Variants in FAM83A observed in about 807,000 individuals in gnomAD.
The protein encoded by FAM83A is scaffolding CK1 anchoring protein A.
Under a neutral mutation model 24.4 loss-of-function variants are expected in FAM83A, and 21 were observed. The ratio of observed to expected loss-of-function variants is 0.86; its 90% CI spans 0.61 to 1.24. FAM83A has a LOEUF of 1.24. Among genes scored for constraint, FAM83A ranks in the 50% most tolerant of loss-of-function variants. The pLI is 0.00. For missense variants in FAM83A, 617 were observed against 579.8 expected (o/e 1.06, Z -0.66); for synonymous variants, 270 against 252.4 (o/e 1.07, Z -0.66).
intron 3 of FAM83A, 81 bp from the exon 4 acceptor site, chr8:123,207,076 C>CTCCCCTCCCCCTCCTCCTCCACT (rs1158628369): frequency 4.6e-6 from 2 of 436,176 alleles, no homozygotes; most frequent in African/African-American, 5.0e-5. Context: ...CTCCCTCTTC[C>CTCCCCTCCCCCTCCTCCTCCACT]TCCCCTCCCC....
chr8:123,183,326 G>T, exon 1 of FAM83A: 2 of 1,611,154 alleles, frequency 1.2e-6, no homozygotes, highest in Non-Finnish European at 1.7e-6. Flanking sequence ...TGCATCACCC[G>T]GACTAGCCAG....
exon 4 of FAM83A, chr8:123,208,285 G>A: frequency 1.0e-6 from 1 of 985,614 alleles, no homozygotes; most frequent in Non-Finnish European, 1.2e-6. Context: ...TTATCTATGA[G>A]TTGTATGGGG....
intron 1 of FAM83A, among the ~76,000 whole-genome samples, chr8:123,189,075 C>G (rs1041342727): frequency 6.6e-6 from 1 of 152,210 alleles, no homozygotes; most frequent in African/African-American, 2.4e-5. Context: ...TTTCTTTTGT[C>G]AATACCTTGG....
intron 3 of FAM83A, among the ~76,000 whole-genome samples, chr8:123,201,018 G>C (rs906733413): frequency 1.0e-4 from 15 of 150,608 alleles, no homozygotes; most frequent in African/African-American, 3.4e-4. Context: ...TAGCTGGTGT[G>C]GTGGCACGTG....
intron 3 of FAM83A, among the ~76,000 whole-genome samples, chr8:123,197,083 C>T (rs1271490266): frequency 6.9e-6 from 1 of 144,644 alleles, no homozygotes; most frequent in South Asian, 2.1e-4. Flanking sequence ...GTCTGGTGTC[C>T]ACCCCTGAGC....
rs148810530 is a variant in FAM83A at position 123,196,010 on chromosome 8, T to A, written c.773+1862T>A. 4.0e-3 allele frequency among the ~76,000 whole-genome samples: 602 copies of A among 152,342 alleles called. 4 individuals are homozygous for A. The highest frequency in any genetic ancestry group is 0.014 in the African/African-American group (576 of 41,574). On this transcript the variant is annotated intron_variant, in intron 3 of 3. Transcript: ENST00000690554. ...AAGTGTGTCTTTTGTGAACAACATA[T>A]CATTAATTTTTGTTTTTTTGAGACG... is the stretch of plus-strand genomic sequence containing the variant.
intron 3 of FAM83A, among the ~76,000 whole-genome samples, chr8:123,206,809 A>G (rs931441981): frequency 1.2e-4 from 18 of 152,262 alleles, no homozygotes; most frequent in East Asian, 1.9e-4. Flanking sequence ...GGCAGTGGGC[A>G]TGGGTTGGTC....
chr8:123,190,206 A>C (rs1382314070), intron 1 of FAM83A, among the ~76,000 whole-genome samples: 1 of 152,080 alleles, frequency 6.6e-6, no homozygotes, highest in African/African-American at 2.4e-5. Context: ...GAAAGAAAAG[A>C]AAGAAAGAAA....
chr8:123,183,295 A>G (rs745539721), exon 1 of FAM83A: 1 of 1,613,118 alleles, frequency 6.2e-7, no homozygotes, highest in South Asian at 1.1e-5. Flanking sequence ...GCACAACAAC[A>G]TCAGAGACCT....
At chr8:123,182,936 C>A in exon 1 of FAM83A, 1 of 1,588,492 alleles carries the variant, frequency 6.3e-7, no homozygotes, top group South Asian at 1.1e-5. Context: ...CCAGCCAGGG[C>A]TGACTTTAGT....
intron 1 of FAM83A, among the ~76,000 whole-genome samples, chr8:123,187,423 G>A (rs1248058976): frequency 6.6e-6 from 1 of 152,138 alleles, no homozygotes; most frequent in Non-Finnish European, 1.5e-5. Flanking sequence ...ACGCAGAAGC[G>A]GCTCTGACCA....
exon 3 of FAM83A, chr8:123,194,028 T>G: frequency 6.2e-7 from 1 of 1,614,122 alleles, no homozygotes; most frequent in Non-Finnish European, 8.5e-7. Flanking sequence ...CAACAGAACA[T>G]TTCCATCCGG....
At position 123,209,867 on chromosome 8, in the gene FAM83A, C is replaced by T. The variant is rs751573848; in HGVS notation, c.*2179C>T. ...GGAGGTTAGGTCGGGGCTGCCCCGG[C>T]GAGTGGAGCATGAGCAGAACCGCCG... is the stretch of plus-strand genomic sequence containing the variant. On this transcript the variant is annotated 3_prime_UTR_variant, in exon 4 of 4. Coordinates refer to ENST00000690554, the Ensembl canonical transcript of FAM83A. The surrounding 1 kb of genome is among the most constrained non-coding windows in gnomAD (Gnocchi z 4.7). The T allele has an allele frequency of 1.2e-5, 4 of 323,792 alleles. No homozygotes were observed. The highest frequency in any genetic ancestry group is 1.1e-4 in the East Asian group (2 of 18,570). The allele number at this position is 323,792 out of a possible 1,614,324, so 20.1% of individuals were successfully genotyped here. A position where few individuals can be genotyped will look rare whatever the true frequency, so the allele number is the denominator to read the frequency against.
rs1253717885 is a variant in FAM83A at position 123,203,610 on chromosome 8, TAAGAA to T, written c.774-3534_774-3530del. On this transcript the variant is annotated intron_variant, in intron 3 of 3. Coordinates refer to ENST00000690554, the Ensembl canonical transcript of FAM83A. ...TCAAAAAAAAAAAAAAAAAAAAAAGTAAGAAAAGAAAAGAAAAAAAGAAAGACATC... is the reference window on the plus strand; with the variant it reads ...TCAAAAAAAAAAAAAAAAAAAAAAGTAAGAAAAGAAAAAAAGAAAGACATC... 1.5e-4 allele frequency among the ~76,000 whole-genome samples: 14 copies of T among 95,748 alleles called. No individual in the cohort carries two copies. In the South Asian group the frequency reaches 3.3e-3, roughly 22 times the overall value. 62.8% of individuals were successfully genotyped at this position (95,748 alleles called of 152,430 possible).
intron 3 of FAM83A, among the ~76,000 whole-genome samples, chr8:123,206,462 G>A (rs867524478): frequency 1.6e-4 from 24 of 152,316 alleles, no homozygotes; most frequent in Admixed American, 7.8e-4. Context: ...GCCGCCTTTT[G>A]CAGGGGCTTT....
chr8:123,183,295 A>T, exon 1 of FAM83A: 1 of 1,613,118 alleles, frequency 6.2e-7, no homozygotes, highest in Non-Finnish European at 8.5e-7. Flanking sequence ...GCACAACAAC[A>T]TCAGAGACCT....
chr8:123,195,782 C>T (rs1824129879), intron 3 of FAM83A, among the ~76,000 whole-genome samples: 1 of 152,210 alleles, frequency 6.6e-6, no homozygotes, highest in East Asian at 1.9e-4. Flanking sequence ...TCACTGGGGC[C>T]TCTTCTGCAA....
intron 3 of FAM83A, among the ~76,000 whole-genome samples, chr8:123,197,658 C>T (rs1010467217): frequency 4.0e-4 from 61 of 152,208 alleles, no homozygotes; most frequent in African/African-American, 1.4e-3. Context: ...CATTTCAAGG[C>T]ACACATTCTT....
intron 1 of FAM83A, among the ~76,000 whole-genome samples, chr8:123,185,375 C>G (rs1233702001): frequency 6.6e-6 from 1 of 152,130 alleles, no homozygotes; most frequent in Admixed American, 6.5e-5. Flanking sequence ...AGGAAGGATC[C>G]CTGGAAGGAA....
Sources: gnomAD v4.1 joint callset for allele counts (sites outside exome capture counted in the v4.1 genomes callset) on GRCh38, gnomAD v4.1.1 for gene constraint, Gnocchi (gnomAD v3.1) non-coding constraint, MANE v1.5 for transcripts, NCBI Gene and HGNC (gene_info 2026-07-23, HGNC 2026-07-21) for gene names.